The following PLA2G4B variants were observed in gnomAD, a reference collection of about 807,000 sequenced individuals.
The protein encoded by PLA2G4B is cytosolic phospholipase A2 beta.
PLA2G4B carries 122 observed loss-of-function variants against 95.8 expected under a neutral mutation model. The ratio of observed to expected loss-of-function variants is 1.27; its 90% CI spans 1.10 to 1.48. PLA2G4B has a LOEUF of 1.48. Among genes scored for constraint, PLA2G4B ranks in the 40% most tolerant of loss-of-function variants. The pLI is 0.00. For missense variants in PLA2G4B, 1,158 were observed against 996.2 expected, an observed-to-expected ratio of 1.16 and a Z score of -2.19; for synonymous variants, 518 against 421.5, an observed-to-expected ratio of 1.23 and a Z score of -2.80.
In PLA2G4B at chr15:41,843,670, G is replaced by T. The variant is rs374201345; in HGVS notation, c.744-6G>T. On this transcript the variant is annotated splice_region_variant and splice_polypyrimidine_tract_variant and intron_variant, in intron 10 of 19. Transcript: ENST00000458483. ...CTGTCTCACAGTCTCTTCCTTCCCC[G>T]GCCAGACTGAGGGAGCTGGCCGTGC... is the stretch of plus-strand genomic sequence containing the variant. 2.0e-5 allele frequency: 33 copies of T among 1,612,464 alleles called. No homozygotes were observed. Among genetic ancestry groups the T allele is most frequent in the Non-Finnish European group, 2.6e-5 (31 of 1,179,146 alleles).
chr15:41,842,702 C>T, intron 10 of PLA2G4B, 111 bp downstream of exon 10: 3 of 1,506,088 alleles, frequency 2.0e-6, no homozygotes, highest in Non-Finnish European at 1.8e-6. Context: ...CATCCTCATG[C>T]TCTCTGAAGG....
Position 41,847,994 on chromosome 15 carries a change from G to C in PLA2G4B, c.*134G>C. ...GTCCCAGGGTCCAGGCTGAGGGCTG[G>C]GAGCTCCCTTGCGCCTCAGCAGTTT... On this transcript the variant is annotated 3_prime_UTR_variant, in exon 20 of 20. Coordinates refer to ENST00000458483, the MANE Select transcript of PLA2G4B (RefSeq NM_001114633.2). 7.9e-7 allele frequency: 1 copy of C among 1,265,020 alleles called. No individual in the cohort carries two copies. The highest frequency in any genetic ancestry group is 1.1e-6 in the Non-Finnish European group (1 of 932,976). The allele number at this position is 1,265,020 out of a possible 1,614,324, so 78.4% of individuals were successfully genotyped here.
At chr15:41,845,495 C>A in intron 14 of PLA2G4B, 143 bp from the exon 15 acceptor site, 1 of 1,475,422 alleles carries the variant, frequency 6.8e-7, no homozygotes, top group Middle Eastern at 2.5e-4. Flanking sequence ...AGGCAGGGGC[C>A]TTAGGTCCTA....
chr15:41,847,269 A>C, intron 18 of PLA2G4B, 68 bp from the exon 19 acceptor site: 1 of 1,518,800 alleles, frequency 6.6e-7, no homozygotes, highest in Non-Finnish European at 8.8e-7. Context: ...TGTGCATCTT[A>C]CGTCAGCCCC....
At chr15:41,844,043 C>A (rs971028563) in intron 11 of PLA2G4B, among the ~76,000 whole-genome samples, 1 of 152,226 alleles carries the variant, frequency 6.6e-6, no homozygotes, top group Non-Finnish European at 1.5e-5. Context: ...TACTCTGTTT[C>A]TTGGTTCTCA....
At position 41,846,844 on chromosome 15, in the gene PLA2G4B, GGGTGGGCAGCCCACCAGGGAGGC is replaced by G. The variant is rs774608368; in HGVS notation, c.1947+16_1947+38del. ...TCCACGGAGCCTTCCAGGTTGGGAA[GGGTGGGCAGCCCACCAGGGAGGC>G]GGTGGGTGGCCCCTGTCCCCTGAAG... On this transcript the variant is annotated intron_variant, in intron 18 of 19. Transcript: ENST00000458483. 188 of 1,598,816 alleles carry G rather than the reference GGGTGGGCAGCCCACCAGGGAGGC, an allele frequency of 1.2e-4. No individual in the cohort carries two copies. The highest frequency in any genetic ancestry group is 1.5e-4 in the Non-Finnish European group (171 of 1,168,598).
rs554427091 is a variant in PLA2G4B at position 41,838,861 on chromosome 15, C to T, written c.-53C>T. ...GGCTCTGGGTTAGAAAGCTGACAGT[C>T]CTTGATCCTGTGGCCACTGCCCCAT... On this transcript the variant is annotated 5_prime_UTR_variant, in exon 1 of 20. Transcript: ENST00000458483. 2 of 1,567,644 alleles carry T rather than the reference C, an allele frequency of 1.3e-6. No homozygotes were observed. The highest frequency in any genetic ancestry group is 1.7e-6 in the Non-Finnish European group (2 of 1,150,668).
rs1408319039 is a variant in PLA2G4B at position 41,845,684 on chromosome 15, G to C, written c.1404G>C (p.Gly468=). Reference sequence around the variant, plus strand: ...ACGAGGTCGGCTTCCCCAAGTACGGGGCCTTCATCCCCTCTGAGCTCTTTG... The same window carrying C: ...ACGAGGTCGGCTTCCCCAAGTACGGCGCCTTCATCCCCTCTGAGCTCTTTG... The part of the protein sequence containing the change: ...SPYEVGFPKY[G]AFIPSELFGS... The change falls in exon 15 of 20, where the codon GGG becomes GGC. Residue 468 remains glycine (G), a synonymous_variant. Transcript: ENST00000458483. The C allele has an allele frequency of 6.2e-7, 1 of 1,614,120 alleles. No individual in the cohort carries two copies. The highest frequency in any genetic ancestry group is 1.7e-5 in the Admixed American group (1 of 60,002).
chr15:41,842,620 G>A (rs372608343), intron 10 of PLA2G4B, 29 bp downstream of exon 10: 71 of 1,606,136 alleles, frequency 4.4e-5, no homozygotes, highest in Non-Finnish European at 5.6e-5. Context: ...GACTGGGCAA[G>A]GCCCTGGAAA....
rs1345716247 is a variant in PLA2G4B at position 41,841,850 on chromosome 15, T to G, written c.522T>G (p.Pro174=). 1 of 1,613,456 alleles carries G rather than the reference T, an allele frequency of 6.2e-7. No homozygotes were observed. The highest frequency in any genetic ancestry group is 1.3e-5 in the African/African-American group (1 of 74,924). ...SSEHRVQLVV[P]GSCEGPQEAS... ...AGCACAGAGTTCAGCTTGTGGTTCC[T>G]GGGTCCTGTGAGGGTCCGCAGGAGG... Residue 174 remains proline, a synonymous_variant, in exon 8 of 20, where the codon CCT becomes CCG. Transcript: ENST00000458483.
rs1194997341 is a variant in PLA2G4B at position 41,847,753 on chromosome 15, G to A, written c.2239G>A (p.Asp747Asn). The stretch of plus-strand genomic sequence containing the variant: ...GGTGACCTACAGCCAGGAGGACGTG[G>A]ACAAGCTGCTGCACCTGACACATTA... ...TKVTYSQEDVDKLLHLTHYNV... is the reference protein window; with the variant it reads ...TKVTYSQEDVNKLLHLTHYNV... Residue 747 changes from aspartate (D) to asparagine (N), a missense_variant, in exon 20 of 20, where the codon GAC becomes AAC. Transcript: ENST00000458483. 1 of 1,610,202 alleles carries A rather than the reference G, an allele frequency of 6.2e-7. No individual in the cohort carries two copies. The highest frequency in any genetic ancestry group is 1.7e-5 in the Admixed American group (1 of 59,918).
In PLA2G4B at chr15:41,845,632, TCA is replaced by T. The variant is rs1424576005; in HGVS notation, c.1358-3_1358-2del. The T allele has an allele frequency of 1.9e-6, 3 of 1,613,962 alleles. No individual in the cohort carries two copies. Among genetic ancestry groups the T allele is most frequent in the African/African-American group, 1.3e-5 (1 of 74,912 alleles). On this transcript the variant is annotated splice_region_variant and splice_polypyrimidine_tract_variant and intron_variant, in intron 14 of 19. Coordinates refer to ENST00000458483, the MANE Select transcript of PLA2G4B (RefSeq NM_001114633.2). ...ACCATGAGGCTGAGGCGTGGACTCCTCACAGAGTGGTGCGAGTTCTCTCCCTA... is the reference window on the plus strand; with the variant it reads ...ACCATGAGGCTGAGGCGTGGACTCCTCAGAGTGGTGCGAGTTCTCTCCCTA...
intron 14 of PLA2G4B, 114 bp from the exon 15 acceptor site, chr15:41,845,524 C>T (rs2065522931): frequency 2.6e-6 from 4 of 1,515,546 alleles, no homozygotes; most frequent in Non-Finnish European, 3.5e-6. Context: ...GCCCAGGCCA[C>T]AAGGCCTGGG....
chr15:41,847,564 C>T (rs1414341000), intron 19 of PLA2G4B, 41 bp downstream of exon 19: 6 of 1,605,596 alleles, frequency 3.7e-6, no homozygotes, highest in Non-Finnish European at 5.1e-6. Flanking sequence ...GCCCCAGTCC[C>T]CCACACCTCC....
intron 7 of PLA2G4B, 61 bp downstream of exon 7, chr15:41,841,632 C>T: frequency 6.2e-7 from 1 of 1,609,922 alleles, no homozygotes; most frequent in Non-Finnish European, 8.5e-7. Context: ...CCCCTTTAAG[C>T]ATTGGACAAT....
chr15:41,842,704 C>T (rs1247960733), intron 10 of PLA2G4B, 113 bp downstream of exon 10: 8 of 1,498,382 alleles, frequency 5.3e-6, no homozygotes, highest in Non-Finnish European at 7.1e-6. Context: ...TCCTCATGCT[C>T]TCTGAAGGGG....
chr15:41,843,545 T>C, intron 10 of PLA2G4B, 131 bp from the exon 11 acceptor site: 1 of 1,481,806 alleles, frequency 6.7e-7, no homozygotes, highest in Non-Finnish European at 9.0e-7. Context: ...TTCAGTCTTG[T>C]GACACGGGAG....
rs1437808995 is a variant in PLA2G4B at position 41,840,533 on chromosome 15, C to T, written c.92C>T (p.Ser31Phe). 7 of 1,613,734 alleles carry T rather than the reference C, an allele frequency of 4.3e-6. No homozygotes were observed. The highest frequency in any genetic ancestry group is 1.3e-5 in the African/African-American group (1 of 74,926). The change falls in exon 3 of 20, where the codon TCT becomes TTT. Residue 31 changes from serine (S) to phenylalanine (F), a missense_variant. Coordinates refer to ENST00000458483, the MANE Select transcript of PLA2G4B (RefSeq NM_001114633.2). ...TTGTTCCTTCCCGCAGTGACCCCCT[C>T]TGACTGCTACGTGACTCTCTGGCTG... ...RLPSKDLVTP[S>F]DCYVTLWLPT...
chr15:41,840,862 GGGC>G lies in PLA2G4B; in HGVS notation c.309_311del (p.Ala104del). The G allele has an allele frequency of 6.8e-6, 11 of 1,613,880 alleles. No individual in the cohort carries two copies. The highest frequency in any genetic ancestry group is 9.3e-6 in the Non-Finnish European group (11 of 1,179,826). ...GTACTGTTTGATGCGGGGACTCTGC[GGGC>G]TGGGGAGTTCCGGCGCGAGAGCTTC... On this transcript the variant is annotated inframe_deletion, in exon 4 of 20. Transcript: ENST00000458483.
Sources: allele counts gnomAD v4.1 joint callset (sites outside exome capture counted in the v4.1 genomes callset), GRCh38; gene constraint gnomAD v4.1.1; transcripts MANE v1.5; gene names NCBI Gene and HGNC (gene_info 2026-07-23, HGNC 2026-07-21).